KALRN: variants seen among roughly 807,000 people sequenced by gnomAD.
KALRN encodes the protein kalirin.
A neutral mutation model predicts 353.7 loss-of-function variants in KALRN; 70 were observed. The ratio of observed to expected loss-of-function variants is 0.20; its 90% CI spans 0.16 to 0.24. KALRN has a LOEUF of 0.24. KALRN is among the 10% of genes least tolerant of loss of function. The pLI is 1.00. For synonymous variants in KALRN, 1,391 were observed against 1,434.8 expected, an observed-to-expected ratio of 0.97 and a Z score of 0.69; for missense variants, 2,791 against 3,756.7, an observed-to-expected ratio of 0.74 and a Z score of 6.72.
At chr3:124,048,659 A>G (rs1490173818) in intron 1 of KALRN, among the ~76,000 whole-genome samples, 1 of 151,460 alleles carries the variant, frequency 6.6e-6, no homozygotes, top group African/African-American at 2.4e-5. Flanking sequence ...TTTTTTTTGT[A>G]TTTTTAGTAG....
intron 1 of KALRN, among the ~76,000 whole-genome samples, chr3:124,201,599 T>C (rs1029253417): frequency 1.3e-5 from 2 of 152,168 alleles, no homozygotes; most frequent in Admixed American, 1.3e-4. Context: ...TTATAAAGTC[T>C]TGGTGTATGG....
intron 25 of KALRN, among the ~76,000 whole-genome samples, chr3:124,463,123 T>C (rs1420560573): frequency 2.0e-5 from 3 of 152,234 alleles, no homozygotes; most frequent in East Asian, 1.9e-4. Flanking sequence ...ATAAGTAGAA[T>C]TGTAGAGCCC....
rs570872282 is a variant in KALRN, at chr3:124,374,588, C to T, written c.1771-10257C>T. ...CCTCACCATCTGACCCACCTTTCCA[C>T]GTCAGGAACAGCCTTTTCCTCTTTT... is the stretch of plus-strand genomic sequence containing the variant. On this transcript the variant is annotated intron_variant, in intron 10 of 59. Coordinates refer to ENST00000682506, the MANE Select transcript of KALRN (RefSeq NM_001388419.1). Among the ~76,000 whole-genome samples the T allele has an allele frequency of 1.6e-4, 24 of 152,290 alleles. No individual in the cohort carries two copies. The East Asian group carries it at 2.9e-3, about 18-fold the overall frequency.
chr3:124,488,180 A>G (rs2062763999), intron 28 of KALRN, 24 bp from the exon 29 acceptor site: 3 of 1,472,520 alleles, frequency 2.0e-6, no homozygotes, highest in South Asian at 1.1e-5. Context: ...GGCCCTAATT[A>G]TGTCCGGACT....
At chr3:124,329,217 A>C (rs1475735685) in intron 7 of KALRN, among the ~76,000 whole-genome samples, 2 of 152,194 alleles carry the variant, frequency 1.3e-5, no homozygotes, top group East Asian at 3.8e-4. Context: ...GTCTGTCAAG[A>C]TCTATGTCTA....
At chr3:124,457,570 T>C (rs1039985016) in intron 23 of KALRN, among the ~76,000 whole-genome samples, 1 of 152,240 alleles carries the variant, frequency 6.6e-6, no homozygotes, top group Non-Finnish European at 1.5e-5. Flanking sequence ...GCACCTACAC[T>C]TTTTATGTCC....
At chr3:124,419,658 A>G (rs1576770852) in intron 14 of KALRN, among the ~76,000 whole-genome samples, 1 of 152,208 alleles carries the variant, frequency 6.6e-6, no homozygotes, top group Non-Finnish European at 1.5e-5. Context: ...AGAAGCCTGC[A>G]TTCCTGGAAC....
chr3:124,132,555 C>T (rs2065424614), intron 1 of KALRN, among the ~76,000 whole-genome samples: 1 of 152,192 alleles, frequency 6.6e-6, no homozygotes, highest in African/African-American at 2.4e-5. Flanking sequence ...TTACTCTCCT[C>T]TGGTCAGCCT....
intron 12 of KALRN, 126 bp downstream of exon 12, chr3:124,395,469 T>C (rs2090040789): frequency 5.6e-6 from 4 of 713,532 alleles, no homozygotes; most frequent in Non-Finnish European, 9.4e-6. Flanking sequence ...TCTTTATCTG[T>C]AAGATGTAAA....
intron 1 of KALRN, among the ~76,000 whole-genome samples, chr3:124,149,507 G>A (rs1052110407): frequency 6.6e-6 from 1 of 152,134 alleles, no homozygotes; most frequent in Non-Finnish European, 1.5e-5. Flanking sequence ...TCCAAGTTTT[G>A]GAAGTGGGAT....
At chr3:124,650,572 G>A (rs769648797) in intron 37 of KALRN, among the ~76,000 whole-genome samples, 1 of 152,198 alleles carries the variant, frequency 6.6e-6, no homozygotes, top group Non-Finnish European at 1.5e-5. Context: ...TTATGTCTGG[G>A]AAATTGGCAG....
intron 14 of KALRN, among the ~76,000 whole-genome samples, chr3:124,418,267 C>T (rs1337239009): frequency 1.3e-5 from 2 of 151,966 alleles, no homozygotes; most frequent in Admixed American, 6.6e-5. Context: ...CTTAACCTGT[C>T]GGTAGATTGA....
chr3:124,664,578 T>C (rs1432668946), intron 45 of KALRN, among the ~76,000 whole-genome samples: 1 of 152,010 alleles, frequency 6.6e-6, no homozygotes, highest in Admixed American at 6.6e-5. Flanking sequence ...GCCTGGCTAA[T>C]TTTTGTATTT....
chr3:124,091,947 A>G (rs1275799215), intron 1 of KALRN, among the ~76,000 whole-genome samples: 1 of 152,184 alleles, frequency 6.6e-6, no homozygotes, highest in African/African-American at 2.4e-5. Context: ...CTGCATTTCA[A>G]GTAAGACTTA....
At chr3:124,647,828 G>A (rs2150065764) in intron 37 of KALRN, among the ~76,000 whole-genome samples, 1 of 152,358 alleles carries the variant, frequency 6.6e-6, no homozygotes, top group Middle Eastern at 3.4e-3. Flanking sequence ...GGCAGGTTAT[G>A]AGTATATGAT....
At chr3:124,361,185 A>G (rs1387425548) in intron 10 of KALRN, among the ~76,000 whole-genome samples, 2 of 152,178 alleles carry the variant, frequency 1.3e-5, no homozygotes, top group East Asian at 3.9e-4. Flanking sequence ...TAGCACACAC[A>G]CAAGAGGAAT....
At chr3:124,175,106 G>T (rs1405991676) in intron 1 of KALRN, among the ~76,000 whole-genome samples, 1 of 152,228 alleles carries the variant, frequency 6.6e-6, no homozygotes, top group Non-Finnish European at 1.5e-5. Flanking sequence ...CAGCTGGCAG[G>T]CACAGCCCAG....
intron 34 of KALRN, among the ~76,000 whole-genome samples, chr3:124,612,294 C>G (rs767283800): frequency 3.9e-5 from 6 of 152,170 alleles, no homozygotes; most frequent in Non-Finnish European, 8.8e-5. Context: ...ACCTCTGCCT[C>G]CCGGATTCAA....
chr3:124,498,716 A>T (rs1412864634), intron 33 of KALRN, among the ~76,000 whole-genome samples: 2 of 152,210 alleles, frequency 1.3e-5, no homozygotes, highest in African/African-American at 4.8e-5. Flanking sequence ...TAAGGGGAAG[A>T]TCAGTCTAGT....
Sources: gnomAD v4.1 joint callset for allele counts (sites outside exome capture counted in the v4.1 genomes callset) on GRCh38, gnomAD v4.1.1 for gene constraint, MANE v1.5 for transcripts, NCBI Gene and HGNC (gene_info 2026-07-23, HGNC 2026-07-21) for gene names.